Variants in BRINP3 observed in about 807,000 individuals in gnomAD.
BRINP3 encodes BMP/retinoic acid inducible neural specific 3.
A neutral mutation model predicts 71.0 loss-of-function variants in BRINP3; 19 were observed. The ratio of observed to expected loss-of-function variants is 0.27; its 90% CI spans 0.19 to 0.39. The LOEUF (loss-of-function observed/expected upper bound fraction) is 0.39, where lower values mean the gene tolerates loss of function less well. BRINP3 is among the 10% of genes least tolerant of loss of function. The pLI, the probability that BRINP3 is intolerant of heterozygous loss-of-function variation, is 1.00. For missense variants in BRINP3, 959 were observed against 940.8 expected, an observed-to-expected ratio of 1.02 and a Z score of -0.25; for synonymous variants, 380 against 337.7, an observed-to-expected ratio of 1.13 and a Z score of -1.37.
At chr1:190,380,491 C>T (rs1381825809) in intron 2 of BRINP3, among the ~76,000 whole-genome samples, 3 of 152,086 alleles carry the variant, frequency 2.0e-5, no homozygotes, top group African/African-American at 7.2e-5. Flanking sequence ...AACAAATTTT[C>T]TACATCTACC....
intron 2 of BRINP3, among the ~76,000 whole-genome samples, chr1:190,408,614 G>T (rs545623350): frequency 1.3e-5 from 2 of 152,120 alleles, no homozygotes; most frequent in Non-Finnish European, 2.9e-5. Flanking sequence ...ACATGGGTCA[G>T]TGAGGATGGT....
At chr1:190,120,563 T>G (rs963865345) in intron 7 of BRINP3, among the ~76,000 whole-genome samples, 6 of 152,096 alleles carry the variant, frequency 3.9e-5, no homozygotes, top group African/African-American at 1.4e-4. Flanking sequence ...TGGTGCAATC[T>G]TGGCTCACTG....
chr1:190,225,904 A>G (rs887483194), intron 6 of BRINP3, among the ~76,000 whole-genome samples, 178 bp downstream of exon 6: 8 of 152,076 alleles, frequency 5.3e-5, no homozygotes, highest in Non-Finnish European at 1.0e-4. Flanking sequence ...AGTACATAGC[A>G]ATACACAAAG....
chr1:190,359,904 G>A (rs2102111650), intron 2 of BRINP3, among the ~76,000 whole-genome samples: 1 of 152,102 alleles, frequency 6.6e-6, no homozygotes, highest in South Asian at 2.1e-4. Flanking sequence ...ACAGAATACT[G>A]GGCTAAACTC....
chr1:190,232,731 A>G (rs1658111408), intron 5 of BRINP3, among the ~76,000 whole-genome samples: 1 of 152,150 alleles, frequency 6.6e-6, no homozygotes, highest in Admixed American at 6.5e-5. Flanking sequence ...AAAACTGAAC[A>G]TAGTAATTCA....
intron 2 of BRINP3, among the ~76,000 whole-genome samples, chr1:190,378,048 G>A (rs183518003): frequency 2.0e-5 from 3 of 151,856 alleles, no homozygotes; most frequent in Non-Finnish European, 4.4e-5. Flanking sequence ...GGAATCTCAG[G>A]GGACGGAATA....
At chr1:190,212,037 C>T (rs1466299869) in intron 6 of BRINP3, among the ~76,000 whole-genome samples, 1 of 152,042 alleles carries the variant, frequency 6.6e-6, no homozygotes, top group Non-Finnish European at 1.5e-5. Flanking sequence ...CATATCATCA[C>T]AATAAATTAA....
chr1:190,122,233 T>C (rs1307715174), intron 7 of BRINP3, among the ~76,000 whole-genome samples: 1 of 152,140 alleles, frequency 6.6e-6, no homozygotes, highest in Non-Finnish European at 1.5e-5. Flanking sequence ...TGTACATTCA[T>C]GTATTGATGC....
intron 6 of BRINP3, among the ~76,000 whole-genome samples, chr1:190,185,676 A>G (rs1052993165): frequency 6.6e-6 from 1 of 152,140 alleles, no homozygotes; most frequent in African/African-American, 2.4e-5. Flanking sequence ...TCTTGAATGT[A>G]TATAATGCCA....
At chr1:190,285,232 A>G (rs2102947583) in intron 2 of BRINP3, among the ~76,000 whole-genome samples, 1 of 152,278 alleles carries the variant, frequency 6.6e-6, no homozygotes, top group Middle Eastern at 3.4e-3. Flanking sequence ...AACATTAGAT[A>G]TGAATCGAAA....
intron 2 of BRINP3, among the ~76,000 whole-genome samples, chr1:190,367,083 G>A (rs922227372): frequency 1.3e-5 from 2 of 152,170 alleles, no homozygotes; most frequent in East Asian, 3.9e-4. Flanking sequence ...GTGCCCCAGT[G>A]TGGACTCTGT....
chr1:190,255,912 T>C (rs1660622208), intron 4 of BRINP3, among the ~76,000 whole-genome samples: 2 of 152,190 alleles, frequency 1.3e-5, no homozygotes, highest in Admixed American at 6.5e-5. Flanking sequence ...TTTAGTGCTA[T>C]AAATTTCCCT....
chr1:190,233,118 A>AT (rs893320737), intron 5 of BRINP3, among the ~76,000 whole-genome samples: 6 of 151,664 alleles, frequency 4.0e-5, no homozygotes, highest in Non-Finnish European at 7.4e-5. Context: ...TAATTAATTA[A>AT]TTTTTTTTTA....
intron 2 of BRINP3, among the ~76,000 whole-genome samples, chr1:190,452,764 G>A (rs993228416): frequency 5.9e-5 from 9 of 152,184 alleles, no homozygotes; most frequent in African/African-American, 1.9e-4. Context: ...GCCTGAGGCA[G>A]GAGAATCGCT....
chr1:190,223,665 G>A (rs1657081185), intron 6 of BRINP3, among the ~76,000 whole-genome samples: 1 of 151,804 alleles, frequency 6.6e-6, no homozygotes, highest in Admixed American at 6.6e-5. Flanking sequence ...GACATGGAAA[G>A]TCCTCTCCAG....
chr1:190,277,100 TATATATATATATA>T (rs1662633744), intron 3 of BRINP3, among the ~76,000 whole-genome samples: 1 of 113,370 alleles, frequency 8.8e-6, no homozygotes, highest in South Asian at 3.1e-4. Context: ...TATATATATA[TATATATATATATA>T]TATATTTATA....
intron 5 of BRINP3, among the ~76,000 whole-genome samples, chr1:190,230,504 TG>T (rs1657866263): frequency 6.6e-6 from 1 of 151,878 alleles, no homozygotes; most frequent in South Asian, 2.1e-4. Flanking sequence ...TGGTAAACTG[TG>T]GTATTATTAA....
At chr1:190,155,785 TTCTC>T (rs1026828795) in intron 7 of BRINP3, among the ~76,000 whole-genome samples, 6 of 151,926 alleles carry the variant, frequency 3.9e-5, no homozygotes, top group Non-Finnish European at 7.4e-5. Context: ...CTAGCTTCCT[TTCTC>T]TCTCTCTCCT....
At chr1:190,256,928 T>A (rs1169904433) in intron 4 of BRINP3, among the ~76,000 whole-genome samples, 1 of 152,176 alleles carries the variant, frequency 6.6e-6, no homozygotes, top group African/African-American at 2.4e-5. Context: ...TATTTTTCCC[T>A]TCATTTCAAC....
Sources: gnomAD v4.1 joint callset for allele counts (sites outside exome capture counted in the v4.1 genomes callset) on GRCh38, gnomAD v4.1.1 for gene constraint, MANE v1.5 for transcripts, NCBI Gene and HGNC (gene_info 2026-07-23, HGNC 2026-07-21) for gene names.